The following SLC6A13 variants were observed in gnomAD, a reference collection of about 807,000 sequenced individuals.
SLC6A13 encodes the protein sodium- and chloride-dependent GABA transporter 2.
In SLC6A13, 69 loss-of-function variants were observed where a neutral mutation model predicts 72.9. That is an observed-to-expected ratio of 0.95 (90% CI 0.78 to 1.16). SLC6A13 has a LOEUF of 1.16. SLC6A13 is among the 50% of genes most tolerant of loss of function. SLC6A13 has a pLI of 0.00. For missense variants in SLC6A13, 735 were observed against 760.5 expected (o/e 0.97, Z 0.39); for synonymous variants, 303 against 303.0 (o/e 1.00, Z 0.00).
At chr12:225,959 T>A (rs1348241068) in intron 9 of SLC6A13, among the ~76,000 whole-genome samples, 2 of 152,220 alleles carry the variant, frequency 1.3e-5, no homozygotes, top group African/African-American at 4.8e-5. Context: ...GCCTTGAGAT[T>A]CATTTTATAG....
chr12:252,711 A>G (rs1265880161), intron 2 of SLC6A13, among the ~76,000 whole-genome samples: 1 of 152,262 alleles, frequency 6.6e-6, no homozygotes, highest in East Asian at 1.9e-4. Context: ...TGACAGGAAC[A>G]GTCACTGTGG....
rs141036939 is a variant in SLC6A13 at position 221,583 on chromosome 12, C to T, written c.1516-37G>A. 1,018 of 1,076,700 alleles carry T rather than the reference C, an allele frequency of 9.5e-4. 7 individuals carry two copies. In the African/African-American group the frequency reaches 0.014, roughly 15 times the overall value. The allele number at this position is 1,076,700 out of a possible 1,614,324, so 66.7% of individuals were successfully genotyped here. ...AGCAGAAGAGAAAGGGGTTGGGGGGCGGGGGCCTTGTGCCCTCAGCTCCCC... is the reference window on the plus strand; with the variant it reads ...AGCAGAAGAGAAAGGGGTTGGGGGGTGGGGGCCTTGTGCCCTCAGCTCCCC... On this transcript the variant is annotated intron_variant, in intron 13 of 14. Coordinates refer to ENST00000343164, the MANE Select transcript of SLC6A13 (RefSeq NM_016615.5).
chr12:224,371 C>T, intron 10 of SLC6A13, 30 bp downstream of exon 10: 1 of 1,568,832 alleles, frequency 6.4e-7, no homozygotes, highest in Middle Eastern at 1.7e-4. Flanking sequence ...CCACTCATCT[C>T]TCAGCCTCTG....
chr12:226,710 C>A, intron 8 of SLC6A13, 196 bp from the exon 9 acceptor site: 1 of 555,636 alleles, frequency 1.8e-6, no homozygotes, highest in African/African-American at 1.9e-5. Context: ...CTCCTCGGCC[C>A]CACCAGCCCA....
At chr12:235,001 G>C in intron 7 of SLC6A13, 89 bp downstream of exon 7, 5 of 1,483,608 alleles carry the variant, frequency 3.4e-6, no homozygotes, top group Non-Finnish European at 4.7e-6. Context: ...GTAGTGCTAG[G>C]TGCGGGGGTT....
At chr12:242,508 G>A in intron 4 of SLC6A13, 106 bp downstream of exon 4, 1 of 924,556 alleles carries the variant, frequency 1.1e-6, no homozygotes, top group Non-Finnish European at 1.6e-6. Context: ...GTCGACTTGG[G>A]TGATTTCTGG....
At chr12:247,016 AAAAAAAGAAAGAAAG>A (rs201436607) in intron 2 of SLC6A13, among the ~76,000 whole-genome samples, 32,005 of 135,876 alleles carry the variant, frequency 0.24, 3,320 homozygotes, top group East Asian at 0.41. Context: ...TCAAAAAAAA[AAAAAAAGAAAGAAAG>A]AAAAGAAAGA....
chr12:235,061 C>T lies in SLC6A13; in HGVS notation c.831+29G>A, dbSNP rs191445832. On this transcript the variant is annotated intron_variant, in intron 7 of 14. Coordinates refer to ENST00000343164, the MANE Select transcript of SLC6A13 (RefSeq NM_016615.5). ...TGAAGCTCAGTTGCCCTGGGAGTCACGTGAGGGCTCCTGTCTGTGGCTTCT... is the reference window on the plus strand; with the variant it reads ...TGAAGCTCAGTTGCCCTGGGAGTCATGTGAGGGCTCCTGTCTGTGGCTTCT... 2,201 of 1,613,824 alleles carry T rather than the reference C, an allele frequency of 1.4e-3. 2 individuals carry two copies. The highest frequency in any genetic ancestry group is 2.5e-3 in the Middle Eastern group (15 of 5,988).
intron 2 of SLC6A13, among the ~76,000 whole-genome samples, chr12:246,034 C>T (rs1205371466): frequency 4.6e-5 from 7 of 151,910 alleles, no homozygotes; most frequent in African/African-American, 1.2e-4. Flanking sequence ...AGGAGAATGG[C>T]GTGAACCCAG....
At chr12:231,148 A>G (rs941260631) in intron 7 of SLC6A13, among the ~76,000 whole-genome samples, 53 of 152,320 alleles carry the variant, frequency 3.5e-4, no homozygotes, top group African/African-American at 1.2e-3. Flanking sequence ...AAGTGGTCTG[A>G]GTAAAGCACA....
chr12:238,396 G>T (rs1565498517), intron 4 of SLC6A13: 1 of 1,244,314 alleles, frequency 8.0e-7, no homozygotes, highest in African/African-American at 1.5e-5. Flanking sequence ...GAGAGCGCAG[G>T]TTGGAAAGCT....
chr12:240,949 C>G (rs1278067899), intron 4 of SLC6A13, among the ~76,000 whole-genome samples: 2 of 152,116 alleles, frequency 1.3e-5, no homozygotes, highest in African/African-American at 2.4e-5. Context: ...CCTAACCGTG[C>G]AAAAATGCTT....
chr12:251,663 G>A (rs1393640734), intron 2 of SLC6A13, among the ~76,000 whole-genome samples: 2 of 152,028 alleles, frequency 1.3e-5, no homozygotes, highest in African/African-American at 2.4e-5. Context: ...TTAGAAACAG[G>A]AAAAACAGTC....
intron 3 of SLC6A13, 100 bp downstream of exon 3, chr12:243,579 T>G: frequency 8.2e-7 from 1 of 1,214,472 alleles, no homozygotes; most frequent in Non-Finnish European, 1.2e-6. Context: ...CTCGGGATCT[T>G]ATCTTAACCT....
chr12:234,931 A>G (rs202164371), intron 7 of SLC6A13, among the ~76,000 whole-genome samples, 159 bp downstream of exon 7: 6 of 152,310 alleles, frequency 3.9e-5, no homozygotes, highest in Middle Eastern at 3.4e-3. Flanking sequence ...CCTTTCCGGC[A>G]ACAAACAGAT....
intron 9 of SLC6A13, among the ~76,000 whole-genome samples, chr12:224,985 A>T (rs1012403370): frequency 9.2e-5 from 14 of 152,206 alleles, no homozygotes; most frequent in Non-Finnish European, 1.3e-4. Flanking sequence ...GGTACCAAAA[A>T]AATCGCTCCA....
intron 2 of SLC6A13, 196 bp downstream of exon 2, chr12:259,655 A>T: frequency 6.9e-7 from 1 of 1,440,932 alleles, no homozygotes; most frequent in Non-Finnish European, 9.1e-7. Flanking sequence ...ACGTTATAAT[A>T]GAAAGAGCCC....
In SLC6A13 at chr12:254,506, A is replaced by T. The variant is rs369925751; in HGVS notation, c.202+5345T>A. ...TTTCCTTTCCTCATCTTCTTAACCT[A>T]TCTGCAGCCTTTGCTGCAGTTAATT... On this transcript the variant is annotated intron_variant, in intron 2 of 14. Transcript: ENST00000343164. This position sits in a 1 kb window ranked among gnomAD's most constrained non-coding sequence, Gnocchi z 4.4. Among the ~76,000 whole-genome samples, 74 of 152,190 alleles carry T rather than the reference A, an allele frequency of 4.9e-4. 2 individuals are homozygous for T. The South Asian group carries it at 0.012, about 26-fold the overall frequency.
chr12:245,424 G>A lies in SLC6A13; in HGVS notation c.203-1611C>T, dbSNP rs971375691. Among the ~76,000 whole-genome samples, 5 of 152,208 alleles carry A rather than the reference G, an allele frequency of 3.3e-5. 1 individual carries two copies. The highest frequency in any genetic ancestry group is 2.0e-4 in the Admixed American group (3 of 15,282). On this transcript the variant is annotated intron_variant, in intron 2 of 14. Coordinates refer to ENST00000343164, the MANE Select transcript of SLC6A13 (RefSeq NM_016615.5). ...TGGCCGGGTGCAGTGGCTCACGTCTGTAATCCCAGCACTTCGGGAGGCTGA... is the reference window on the plus strand; with the variant it reads ...TGGCCGGGTGCAGTGGCTCACGTCTATAATCCCAGCACTTCGGGAGGCTGA...
Sources: gnomAD v4.1 joint callset for allele counts (sites outside exome capture counted in the v4.1 genomes callset) on GRCh38, gnomAD v4.1.1 for gene constraint, Gnocchi (gnomAD v3.1) non-coding constraint, MANE v1.5 for transcripts, NCBI Gene and HGNC (gene_info 2026-07-23, HGNC 2026-07-21) for gene names.